The following A2M variants were observed in gnomAD, a reference collection of about 807,000 sequenced individuals.
A2M encodes the protein alpha-2-macroglobulin.
Under a neutral mutation model 183.9 loss-of-function variants are expected in A2M, and 128 were observed. The ratio of observed to expected loss-of-function variants is 0.70; its 90% CI spans 0.60 to 0.81. The LOEUF (loss-of-function observed/expected upper bound fraction) is 0.81. Among genes scored for constraint, A2M ranks in the 30% least tolerant of loss-of-function variants. The pLI is 0.00. For synonymous variants in A2M, 592 were observed against 670.8 expected (o/e 0.88, Z 1.81); for missense variants, 1,495 against 1,787.6 (o/e 0.84, Z 2.95).
At position 9,074,627 on chromosome 12, in the gene A2M, G is replaced by A. The variant is rs370256138; in HGVS notation, c.3689C>T (p.Ser1230Phe). ...QPAPTSEDLT[S>F]ATNIVKWITK... ...GATCCACTTCACGATGTTGGTTGCA[G>A]AGGTCAGGTCCTCCGAGGTTGGGGC... Residue 1230 changes from serine to phenylalanine, a missense_variant, in exon 29 of 36, where the codon TCT becomes TTT. By Grantham distance (155) the Ser-to-Phe change is radical. Transcript: ENST00000318602. 2 of 1,613,946 alleles carry A rather than the reference G, an allele frequency of 1.2e-6. No homozygotes were observed. Among genetic ancestry groups the A allele is most frequent in the Non-Finnish European group, 1.7e-6 (2 of 1,179,970 alleles).
rs753408446 is a variant in A2M at position 9,101,610 on chromosome 12, GC to G, written c.1330del (p.Ala444HisfsTer39). On this transcript the variant is annotated frameshift_variant, in exon 12 of 36. Transcript: ENST00000318602. LOFTEE classifies it high-confidence loss of function. ...GAACACAAGATAAGCAGTGTGATGT[GC>G]CTCTTCGTGTTCTTCTGACACCCAC... The part of the protein sequence containing the change: ...YQWVSEEHEE[A>X]HHTAYLVFSP... 1 of 1,613,986 alleles carries G rather than the reference GC, an allele frequency of 6.2e-7. No homozygotes were observed. Among genetic ancestry groups the G allele is most frequent in the Non-Finnish European group, 8.5e-7 (1 of 1,179,894 alleles).
intron 22 of A2M, among the ~76,000 whole-genome samples, chr12:9,086,740 C>T (rs942926532): frequency 1.3e-5 from 2 of 152,258 alleles, no homozygotes; most frequent in African/African-American, 4.8e-5. Context: ...GACAAGGATA[C>T]CCACTGCCAC....
rs1938387594 is a variant in A2M, at chr12:9,107,510, A to G, written c.879+14T>C. ...TTTATCGCTATTCTCTAGAAAAAAT[A>G]GTGTTCAACCTACCTGTCCACTGAA... is the stretch of plus-strand genomic sequence containing the variant. On this transcript the variant is annotated intron_variant, in intron 8 of 35. Transcript: ENST00000318602. 1 of 1,613,392 alleles carries G rather than the reference A, an allele frequency of 6.2e-7. No homozygotes were observed. Among genetic ancestry groups the G allele is most frequent in the African/African-American group, 1.3e-5 (1 of 74,920 alleles).
chr12:9,080,032 G>C, intron 23 of A2M, 62 bp downstream of exon 23: 1 of 1,102,430 alleles, frequency 9.1e-7, no homozygotes, highest in Non-Finnish European at 1.3e-6. Flanking sequence ...ATATTTATGG[G>C]AAATAAAAAT....
intron 15 of A2M, 42 bp from the exon 16 acceptor site, chr12:9,095,742 C>CTT (rs34176052): frequency 0.04 from 11,609 of 291,360 alleles, 1,392 homozygotes; most frequent in African/African-American, 0.094. Context: ...TTATTTGTGA[C>CTT]TTTTTTTTTT....
chr12:9,111,797 T>C (rs1938748113), intron 4 of A2M, among the ~76,000 whole-genome samples: 1 of 152,334 alleles, frequency 6.6e-6, no homozygotes, highest in Admixed American at 6.5e-5. Context: ...ATAGTGAAGA[T>C]TTTGGTAGAT....
intron 28 of A2M, 122 bp from the exon 29 acceptor site, chr12:9,074,905 G>T: frequency 9.7e-7 from 1 of 1,033,910 alleles, no homozygotes; most frequent in Non-Finnish European, 1.4e-6. Context: ...TGTACTGTAT[G>T]TAGATGCTTT....
rs752598016 is a variant in A2M at position 9,104,253 on chromosome 12, A to G, written c.1252T>C (p.Ser418Pro). 1.0e-4 allele frequency: 168 copies of G among 1,612,042 alleles called. 1 individual carries two copies. The highest frequency in any genetic ancestry group is 1.6e-4 in the Middle Eastern group (1 of 6,078). ...SINTTNVMGTSLTVRVNYKDR... is the reference protein window; with the variant it reads ...SINTTNVMGTPLTVRVNYKDR... ...TCCAAACTTACCCTAACAGTAAGAGAGGTACCCATAACATTGGTGGTGTTG... is the reference window on the plus strand; with the variant it reads ...TCCAAACTTACCCTAACAGTAAGAGGGGTACCCATAACATTGGTGGTGTTG... Residue 418 changes from serine (S) to proline (P), a missense_variant, in exon 11 of 36, where the codon TCT (serine) becomes CCT (proline). Coordinates refer to ENST00000318602, the MANE Select transcript of A2M (RefSeq NM_000014.6).
At chr12:9,075,195 T>G (rs1237433076) in intron 28 of A2M, among the ~76,000 whole-genome samples, 3 of 151,940 alleles carry the variant, frequency 2.0e-5, no homozygotes, top group Admixed American at 2.0e-4. Context: ...GAGTTTCTAC[T>G]CATTAAATTG....
At chr12:9,091,552 T>G in intron 18 of A2M, 123 bp from the exon 19 acceptor site, 1 of 965,348 alleles carries the variant, frequency 1.0e-6, no homozygotes, top group Non-Finnish European at 1.5e-6. Context: ...ATACCAATAA[T>G]GGAGAGTATA....
chr12:9,094,880 T>A, intron 17 of A2M, 93 bp downstream of exon 17: 1 of 617,110 alleles, frequency 1.6e-6, no homozygotes. Context: ...CATGTCCTTT[T>A]TGTTTGTTAA....
intron 22 of A2M, among the ~76,000 whole-genome samples, chr12:9,085,667 A>G (rs1011613520): frequency 2.0e-5 from 3 of 152,076 alleles, no homozygotes; most frequent in Non-Finnish European, 2.9e-5. Context: ...TAGAGCAGAA[A>G]TAAATCAAAT....
rs1261345774 is a variant in A2M at position 9,079,224 on chromosome 12, A to G, written c.3119+20T>C. 1 of 1,607,276 alleles carries G rather than the reference A, an allele frequency of 6.2e-7. No individual in the cohort carries two copies. Among genetic ancestry groups the G allele is most frequent in the South Asian group, 1.1e-5 (1 of 90,326 alleles). On this transcript the variant is annotated intron_variant, in intron 25 of 35. Transcript: ENST00000318602. ...GAGCTGGCACACAAAAAGAAGCTCAAAAAATTGTTCTTTCCTTACCAGGTG... is the reference window on the plus strand; with the variant it reads ...GAGCTGGCACACAAAAAGAAGCTCAGAAAATTGTTCTTTCCTTACCAGGTG...
intron 33 of A2M, among the ~76,000 whole-genome samples, chr12:9,069,447 T>G (rs1190210434): frequency 1.3e-5 from 2 of 152,202 alleles, no homozygotes; most frequent in African/African-American, 2.4e-5. Flanking sequence ...AAGGGCTACT[T>G]CCTTATATTA....
Position 9,110,294 on chromosome 12 carries a change from G to C in A2M, c.504+20C>G. ...TATGTATTGCTTTCCTTTTAATATG[G>C]AATGTTTCATGTTGCTTACCTGAAT... On this transcript the variant is annotated intron_variant, in intron 5 of 35. Coordinates refer to ENST00000318602, the MANE Select transcript of A2M (RefSeq NM_000014.6). The C allele has an allele frequency of 6.8e-7, 1 of 1,461,782 alleles. No homozygotes were observed. Among genetic ancestry groups the C allele is most frequent in the Non-Finnish European group, 9.3e-7 (1 of 1,076,924 alleles). 90.6% of individuals were successfully genotyped at this position (1,461,782 alleles called of 1,614,324 possible). A position where few individuals can be genotyped will look rare whatever the true frequency, so the allele number is the denominator to read the frequency against.
chr12:9,112,811 G>A lies in A2M; in HGVS notation c.271-275C>T, dbSNP rs140347944. ...AGAAACAGTCTTGATTCAATTATAC[G>A]CTGAGCTTTACCAGGCTGATATTAC... On this transcript the variant is annotated intron_variant, in intron 2 of 35. Coordinates refer to ENST00000318602, the MANE Select transcript of A2M (RefSeq NM_000014.6). 295 of 413,786 alleles carry A rather than the reference G, an allele frequency of 7.1e-4. 1 individual carries two copies. Among genetic ancestry groups the A allele is most frequent in the African/African-American group, 5.3e-3 (265 of 49,968 alleles). The allele number at this position is 413,786 out of a possible 1,614,324, so 25.6% of individuals were successfully genotyped here. A position where few individuals can be genotyped will look rare whatever the true frequency, so the allele number is the denominator to read the frequency against.
rs771420439 is a variant in A2M, at chr12:9,072,779, T to C, written c.3849A>G (p.Ser1283=). Reference sequence around the variant, plus strand: ...CTTGGAATTTGCTGGAAAATGTCCCTGAAGACTGGATAGTCACCTGTGCAG... The same window carrying C: ...CTTGGAATTTGCTGGAAAATGTCCCCGAAGACTGGATAGTCACCTGTGCAG... ...GKAAQVTIQS[S]GTFSSKFQVD... Residue 1283 remains serine (S), a synonymous_variant, in exon 30 of 36, where the codon TCA becomes TCG. Coordinates refer to ENST00000318602, the MANE Select transcript of A2M (RefSeq NM_000014.6). 1.4e-5 allele frequency: 23 copies of C among 1,614,126 alleles called. No homozygotes were observed. The highest frequency in any genetic ancestry group is 1.9e-5 in the Non-Finnish European group (23 of 1,180,040).
chr12:9,076,924 G>A lies in A2M; in HGVS notation c.3364C>T (p.Arg1122Cys), dbSNP rs747179108. ...IPLTVTHPVV[R>C]NALFCLESAW... is the part of the protein sequence containing the mutation. ...GACTCCAGGCAAAACAGGGCATTGC[G>A]GACAACAGGGTGCTGTGAAGGCAGA... Residue 1122 changes from arginine (R) to cysteine (C), a missense_variant, in exon 28 of 36, where the codon CGC (arginine) becomes TGC (cysteine). Transcript: ENST00000318602. 9 of 1,596,380 alleles carry A rather than the reference G, an allele frequency of 5.6e-6. No homozygotes were observed. Among genetic ancestry groups the A allele is most frequent in the East Asian group, 2.2e-5 (1 of 44,684 alleles).
At chr12:9,081,081 AAC>A (rs1948895356) in intron 22 of A2M, among the ~76,000 whole-genome samples, 2 of 152,324 alleles carry the variant, frequency 1.3e-5, no homozygotes, top group East Asian at 3.9e-4. Flanking sequence ...AGATGCCATA[AAC>A]AAAGTTAAAA....
Sources: gnomAD v4.1 joint callset for allele counts (sites outside exome capture counted in the v4.1 genomes callset) on GRCh38, gnomAD v4.1.1 for gene constraint, MANE v1.5 for transcripts, NCBI Gene and HGNC (gene_info 2026-07-23, HGNC 2026-07-21) for gene names.